Variants in TMPRSS11E observed in about 807,000 individuals in gnomAD.
TMPRSS11E encodes transmembrane serine protease 11E.
Under a neutral mutation model 48.1 loss-of-function variants are expected in TMPRSS11E, and 38 were observed. The ratio of observed to expected loss-of-function variants is 0.79; its 90% CI spans 0.61 to 1.04. The LOEUF (loss-of-function observed/expected upper bound fraction) is 1.04. TMPRSS11E is among the 50% of genes least tolerant of loss of function. TMPRSS11E has a pLI of 0.00. For missense variants in TMPRSS11E, 530 were observed against 510.8 expected, an observed-to-expected ratio of 1.04 and a Z score of -0.36; for synonymous variants, 158 against 171.9, an observed-to-expected ratio of 0.92 and a Z score of 0.63.
At chr4:68,451,624 T>C (rs1419103411) in intron 1 of TMPRSS11E, among the ~76,000 whole-genome samples, 1 of 151,994 alleles carries the variant, frequency 6.6e-6, no homozygotes, top group African/African-American at 2.4e-5. Flanking sequence ...TTTAGCACTT[T>C]GTTTAAAGTT....
chr4:68,450,734 C>T (rs1341359223), intron 1 of TMPRSS11E, among the ~76,000 whole-genome samples: 1 of 151,920 alleles, frequency 6.6e-6, no homozygotes, highest in Non-Finnish European at 1.5e-5. Flanking sequence ...TGCCCTTATA[C>T]AACCGACTTT....
chr4:68,494,186 G>C (rs1033339711), intron 9 of TMPRSS11E, among the ~76,000 whole-genome samples: 1 of 151,842 alleles, frequency 6.6e-6, no homozygotes, highest in African/African-American at 2.4e-5. Context: ...TGCCAAACCT[G>C]TGTCTCCAGA....
intron 1 of TMPRSS11E, among the ~76,000 whole-genome samples, chr4:68,449,363 A>T (rs1392332934): frequency 6.6e-6 from 1 of 151,782 alleles, no homozygotes; most frequent in Admixed American, 6.6e-5. Context: ...TTTATTGGTC[A>T]TAGGGGTGTA....
intron 1 of TMPRSS11E, among the ~76,000 whole-genome samples, chr4:68,454,437 T>C (rs562470523): frequency 6.0e-4 from 91 of 152,026 alleles, no homozygotes; most frequent in African/African-American, 2.1e-3. Context: ...TGCCAATATA[T>C]TAGAACGTAA....
intron 2 of TMPRSS11E, among the ~76,000 whole-genome samples, chr4:68,463,859 G>T (rs988459480): frequency 6.6e-6 from 1 of 151,958 alleles, no homozygotes; most frequent in Non-Finnish European, 1.5e-5. Context: ...GCCATACTTC[G>T]GCTTGTCTGA....
intron 9 of TMPRSS11E, among the ~76,000 whole-genome samples, chr4:68,493,519 T>C (rs1729787041): frequency 1.3e-5 from 2 of 151,994 alleles, no homozygotes; most frequent in Non-Finnish European, 2.9e-5. Context: ...CAGGCTGGAG[T>C]GCAGTGGTGT....
At chr4:68,477,346 AT>A in intron 7 of TMPRSS11E, 22 bp from the exon 8 acceptor site, 1 of 1,581,048 alleles carries the variant, frequency 6.3e-7, no homozygotes, top group Non-Finnish European at 8.6e-7. Flanking sequence ...AAAGAAATTT[AT>A]TCTTCATTTT....
chr4:68,475,109 G>C (rs1729175024), intron 6 of TMPRSS11E, among the ~76,000 whole-genome samples: 1 of 152,052 alleles, frequency 6.6e-6, no homozygotes, highest in African/African-American at 2.4e-5. Context: ...TTTTCAGCTA[G>C]AGGCAGAAAC....
intron 4 of TMPRSS11E, among the ~76,000 whole-genome samples, chr4:68,470,666 G>A (rs1161278646): frequency 6.6e-6 from 1 of 151,894 alleles, no homozygotes; most frequent in Admixed American, 6.6e-5. Flanking sequence ...CAGTTTATGA[G>A]AGTAGTGGTT....
At chr4:68,465,991 A>T (rs988215075) in intron 2 of TMPRSS11E, among the ~76,000 whole-genome samples, 3 of 152,164 alleles carry the variant, frequency 2.0e-5, no homozygotes, top group Non-Finnish European at 4.4e-5. Flanking sequence ...TAAGGAGCAG[A>T]CAAGCCAACC....
chr4:68,458,948 A>G (rs1728712519), intron 1 of TMPRSS11E, among the ~76,000 whole-genome samples: 4 of 152,072 alleles, frequency 2.6e-5, no homozygotes, highest in Admixed American at 2.6e-4. Flanking sequence ...CCGCCTTCTC[A>G]TTTTTATCTC....
rs150211392 is a variant in TMPRSS11E at position 68,468,979 on chromosome 4, T to A, written c.326+33T>A. The A allele has an allele frequency of 8.2e-4, 1,246 of 1,512,028 alleles. 16 individuals carry two copies. The African/African-American group carries it at 0.016, about 20-fold the overall frequency. 93.7% of individuals were successfully genotyped at this position (1,512,028 alleles called of 1,614,324 possible). A position where few individuals can be genotyped will look rare whatever the true frequency, so the allele number is the denominator to read the frequency against. Reference sequence around the variant, plus strand: ...AATCTGAATTGCTGACTTCTGAATTTAAAGTTGAAGCTGTTAATCTGCTCA... The same window carrying A: ...AATCTGAATTGCTGACTTCTGAATTAAAAGTTGAAGCTGTTAATCTGCTCA... On this transcript the variant is annotated intron_variant, in intron 4 of 9. Transcript: ENST00000305363.
At chr4:68,491,092 G>T (rs1161013970) in intron 9 of TMPRSS11E, among the ~76,000 whole-genome samples, 1 of 151,846 alleles carries the variant, frequency 6.6e-6, no homozygotes, top group Admixed American at 6.6e-5. Context: ...AATCTAGTAG[G>T]GAATTGGGCC....
chr4:68,455,734 A>G (rs1728611436), intron 1 of TMPRSS11E, among the ~76,000 whole-genome samples: 2 of 151,862 alleles, frequency 1.3e-5, no homozygotes, highest in South Asian at 4.1e-4. Flanking sequence ...TTTCTTCCAC[A>G]TTTTGAAGTG....
intron 9 of TMPRSS11E, among the ~76,000 whole-genome samples, chr4:68,480,018 T>G (rs1349041640): frequency 6.6e-6 from 1 of 152,104 alleles, no homozygotes; most frequent in Non-Finnish European, 1.5e-5. Flanking sequence ...ATTAGAATTA[T>G]TTTTTTCCAA....
intron 1 of TMPRSS11E, among the ~76,000 whole-genome samples, chr4:68,455,233 A>C (rs1728597142): frequency 6.6e-6 from 1 of 151,964 alleles, no homozygotes; most frequent in Non-Finnish European, 1.5e-5. Flanking sequence ...AATTGCCTGA[A>C]GTCTGATTGT....
chr4:68,496,678 T>G lies in TMPRSS11E; in HGVS notation c.1146T>G (p.Ala382=), dbSNP rs1560563681. The G allele has an allele frequency of 6.2e-7, 1 of 1,613,596 alleles. No homozygotes were observed. Among genetic ancestry groups the G allele is most frequent in the South Asian group, 1.1e-5 (1 of 91,056 alleles). ...DSGGPLVSSD[A]RDIWYLAGIV... is the part of the protein sequence containing the mutation. The stretch of plus-strand genomic sequence containing the variant: ...GAGGACCACTGGTTAGTTCAGATGC[T>G]AGAGATATCTGGTACCTTGCTGGAA... Residue 382 remains alanine (A), a synonymous_variant, in exon 10 of 10, where the codon GCT becomes GCG. Transcript: ENST00000305363.
chr4:68,471,465 A>G lies in TMPRSS11E; in HGVS notation c.332A>G (p.Gln111Arg). ...VKSQVIKFSQ[Q>R]KHGVLAHMLL... ...TCTTCTTTTTTGGCCCACAGTCAACAGAAGCATGGAGTGTTGGCTCATATG... is the reference window on the plus strand; with the variant it reads ...TCTTCTTTTTTGGCCCACAGTCAACGGAAGCATGGAGTGTTGGCTCATATG... Residue 111 changes from glutamine (Q) to arginine (R), a missense_variant, in exon 5 of 10, where the codon CAG (glutamine) becomes CGG (arginine). Coordinates refer to ENST00000305363, the MANE Select transcript of TMPRSS11E (RefSeq NM_014058.4). 6.6e-7 allele frequency: 1 copy of G among 1,507,284 alleles called. No individual in the cohort carries two copies. Among genetic ancestry groups the G allele is most frequent in the South Asian group, 1.4e-5 (1 of 72,382 alleles). 93.4% of individuals were successfully genotyped at this position (1,507,284 alleles called of 1,614,324 possible).
At chr4:68,466,058 A>G (rs1302199658) in intron 2 of TMPRSS11E, among the ~76,000 whole-genome samples, 2 of 152,154 alleles carry the variant, frequency 1.3e-5, no homozygotes, top group Non-Finnish European at 2.9e-5. Flanking sequence ...GTGAAACTAA[A>G]TAGTGTCCCT....
Sources: gnomAD v4.1 joint callset for allele counts (sites outside exome capture counted in the v4.1 genomes callset) on GRCh38, gnomAD v4.1.1 for gene constraint, MANE v1.5 for transcripts, NCBI Gene and HGNC (gene_info 2026-07-23, HGNC 2026-07-21) for gene names.